Variants in SASH1 observed in about 807,000 individuals in gnomAD.
SASH1 encodes the protein SAM and SH3 domain-containing protein 1.
SASH1 carries 44 observed loss-of-function variants against 125.2 expected under a neutral mutation model. The ratio of observed to expected loss-of-function variants is 0.35; its 90% confidence interval spans 0.28 to 0.45. The LOEUF (loss-of-function observed/expected upper bound fraction) is 0.45. Among genes scored for constraint, SASH1 ranks in the 20% least tolerant of loss-of-function variants. The pLI is 1.00. For synonymous variants in SASH1, 639 were observed against 649.1 expected (o/e 0.98, Z 0.24); for missense variants, 1,426 against 1,614.5 (o/e 0.88, Z 2.00).
the SASH1 span, among the ~76,000 whole-genome samples, chr6:148,233,876 G>A: frequency 5.4e-5 from 8 of 149,320 alleles, no homozygotes; most frequent in African/African-American, 7.4e-5. Flanking sequence ...TGGCACCACC[G>A]CACTCCAGAC....
intron 1 of SASH1, among the ~76,000 whole-genome samples, chr6:148,364,103 G>C (rs1016549181): frequency 6.6e-6 from 1 of 152,100 alleles, no homozygotes; most frequent in East Asian, 1.9e-4. Flanking sequence ...CATCCTGTTG[G>C]TAAAGGACTG....
intron 4 of SASH1, among the ~76,000 whole-genome samples, chr6:148,448,740 GC>G (rs1474730802): frequency 6.6e-6 from 1 of 152,098 alleles, no homozygotes; most frequent in Non-Finnish European, 1.5e-5. Flanking sequence ...CAATCTGGTG[GC>G]CTGCCTATTA....
chr6:148,332,115 T>C (rs977244161), intron 1 of SASH1, among the ~76,000 whole-genome samples: 1 of 152,170 alleles, frequency 6.6e-6, no homozygotes, highest in Admixed American at 6.6e-5. Flanking sequence ...TCCCACTTCT[T>C]TCACCAAACA....
intron 1 of SASH1, among the ~76,000 whole-genome samples, chr6:148,374,182 T>A (rs548034587): frequency 3.9e-4 from 59 of 152,328 alleles, no homozygotes; most frequent in African/African-American, 1.4e-3. Flanking sequence ...AAATTACCCC[T>A]TTTTATAGGG....
At chr6:148,427,686 A>G (rs1267304510) in intron 2 of SASH1, among the ~76,000 whole-genome samples, 1 of 152,196 alleles carries the variant, frequency 6.6e-6, no homozygotes, top group Admixed American at 6.5e-5. Flanking sequence ...TGACCCTCTT[A>G]GATTCAAATT....
At chr6:148,477,246 G>A (rs574662998) in intron 7 of SASH1, among the ~76,000 whole-genome samples, 3 of 152,092 alleles carry the variant, frequency 2.0e-5, no homozygotes, top group Admixed American at 2.0e-4. Context: ...CTTCTGCACA[G>A]CAAACAAAGC....
At chr6:148,531,329 T>A (rs1277037249) in intron 12 of SASH1, among the ~76,000 whole-genome samples, 197 bp from the exon 13 acceptor site, 1 of 152,180 alleles carries the variant, frequency 6.6e-6, no homozygotes, top group Non-Finnish European at 1.5e-5. Context: ...TTTGAGTGCT[T>A]AATAAATAGT....
chr6:148,360,587 A>G (rs558217476), intron 1 of SASH1, among the ~76,000 whole-genome samples: 1 of 151,052 alleles, frequency 6.6e-6, no homozygotes, highest in Non-Finnish European at 1.5e-5. Flanking sequence ...CCTGACTGCC[A>G]GTGATCTGCC....
intron 8 of SASH1, among the ~76,000 whole-genome samples, chr6:148,497,218 T>C (rs1562459015): frequency 6.6e-6 from 1 of 152,220 alleles, no homozygotes. Flanking sequence ...TTTTGAGAAA[T>C]GCCCGTTTTG....
At chr6:148,381,496 G>C (rs2114785369) in intron 1 of SASH1, among the ~76,000 whole-genome samples, 1 of 152,198 alleles carries the variant, frequency 6.6e-6, no homozygotes, top group Non-Finnish European at 1.5e-5. Flanking sequence ...AGGGTGTGCT[G>C]AGGAGGAGGG....
At position 148,310,527 on chromosome 6, in the gene SASH1, A is replaced by G. The variant is rs546614084; in HGVS notation, n.74+38150A>G. The stretch of plus-strand genomic sequence containing the variant: ...AACAAGATATGATTCATAAAAGAAA[A>G]CATGGATAAATTGAACTTAGTCAAA... On this transcript the variant is annotated intron_variant and non_coding_transcript_variant, in intron 1 of 3. Coordinates refer to the SASH1 transcript ENST00000367469. Among the ~76,000 whole-genome samples the G allele has an allele frequency of 3.9e-5, 6 of 152,266 alleles. No individual in the cohort carries two copies. In the South Asian group the frequency reaches 1.0e-3, roughly 26 times the overall value.
chr6:148,374,266 G>A (rs1244210889), intron 1 of SASH1, among the ~76,000 whole-genome samples: 1 of 152,172 alleles, frequency 6.6e-6, no homozygotes, highest in Non-Finnish European at 1.5e-5. Context: ...TTAAGGGATT[G>A]TTTCATTGTA....
chr6:148,331,946 A>G (rs985412088), intron 1 of SASH1, among the ~76,000 whole-genome samples: 9 of 152,076 alleles, frequency 5.9e-5, no homozygotes, highest in Admixed American at 1.3e-4. Flanking sequence ...AGCCTCCCAA[A>G]GTGCTGGGAT....
chr6:148,523,556 T>TAGCAGC lies in SASH1; in HGVS notation c.1210-1721_1210-1716dup, dbSNP rs369288890. ...TGTCTATTAGAAAACAAGTCGGTAG[T>TAGCAGC]AGCAGCAGCAGCAGCAGCATCGGTG... On this transcript the variant is annotated intron_variant, in intron 10 of 19. Coordinates refer to ENST00000367467, the MANE Select transcript of SASH1 (RefSeq NM_015278.5). Among the ~76,000 whole-genome samples the TAGCAGC allele has an allele frequency of 5.3e-3, 807 of 152,116 alleles. 8 individuals are homozygous for TAGCAGC. Among genetic ancestry groups the TAGCAGC allele is most frequent in the African/African-American group, 0.018 (760 of 41,448 alleles).
At chr6:148,267,196 T>C in the SASH1 span, among the ~76,000 whole-genome samples, 1 of 152,194 alleles carries the variant, frequency 6.6e-6, no homozygotes, top group East Asian at 1.9e-4. Context: ...ATGTTAGATA[T>C]TGCTTTCACA....
At chr6:148,531,496 A>G in intron 12 of SASH1, 30 bp from the exon 13 acceptor site, 1 of 1,454,850 alleles carries the variant, frequency 6.9e-7, no homozygotes, top group Non-Finnish European at 9.1e-7. Context: ...ACTCTGATGA[A>G]CTTCTTCATT....
intron 5 of SASH1, among the ~76,000 whole-genome samples, chr6:148,469,887 G>A (rs187745765): frequency 2.0e-5 from 3 of 152,040 alleles, no homozygotes; most frequent in Non-Finnish European, 4.4e-5. Context: ...TTAGCTGGGC[G>A]TGGTGGCTCC....
intron 15 of SASH1, 48 bp from the exon 16 acceptor site, chr6:148,534,703 G>GTGTC: frequency 6.2e-7 from 1 of 1,604,178 alleles, no homozygotes; most frequent in Non-Finnish European, 8.5e-7. Context: ...GTGTTATCAT[G>GTGTC]TGTCTGGGCT....
intron 15 of SASH1, 149 bp from the exon 16 acceptor site, chr6:148,534,602 A>C: frequency 1.3e-6 from 1 of 768,374 alleles, no homozygotes; most frequent in Non-Finnish European, 2.3e-6. Flanking sequence ...TGGGATGTAC[A>C]GGATCCATTG....
Sources: gnomAD v4.1 joint callset for allele counts (sites outside exome capture counted in the v4.1 genomes callset) on GRCh38, gnomAD v4.1.1 for gene constraint, MANE v1.5 for transcripts, NCBI Gene and HGNC (gene_info 2026-07-23, HGNC 2026-07-21) for gene names.